The following FOXN3 variants were observed in gnomAD, a reference collection of about 807,000 sequenced individuals.
FOXN3 encodes the protein forkhead box N3, also known as forkhead box protein N3.
In FOXN3, 7 loss-of-function variants were observed where a neutral mutation model predicts 38.4. That is an observed-to-expected ratio of 0.18 (90% confidence interval 0.10 to 0.34). The LOEUF is 0.34. FOXN3 is among the 10% of genes least tolerant of loss of function. The pLI is 1.00. For missense variants in FOXN3, 456 were observed against 613.4 expected (o/e 0.74, Z 2.71); for synonymous variants, 230 against 242.2 (o/e 0.95, Z 0.47).
intron 4 of FOXN3, among the ~76,000 whole-genome samples, chr14:89,239,726 G>A (rs1162733852): frequency 6.6e-6 from 1 of 152,224 alleles, no homozygotes. Context: ...GATAATAACA[G>A]TCATATCAAT....
At chr14:89,287,666 C>T (rs1298845055) in intron 3 of FOXN3, among the ~76,000 whole-genome samples, 1 of 149,054 alleles carries the variant, frequency 6.7e-6, no homozygotes, top group Non-Finnish European at 1.5e-5. Flanking sequence ...GTTCTAATTG[C>T]AAATATTTCT....
chr14:89,443,785 G>A (rs10130393), intron 1 of FOXN3, among the ~76,000 whole-genome samples: 3 of 152,066 alleles, frequency 2.0e-5, no homozygotes, highest in African/African-American at 7.2e-5. Flanking sequence ...CAAGGTGGGC[G>A]GGTCACCTGA....
At chr14:89,231,030 C>G (rs1197935456) in intron 4 of FOXN3, among the ~76,000 whole-genome samples, 2 of 152,134 alleles carry the variant, frequency 1.3e-5, no homozygotes, top group African/African-American at 4.8e-5. Flanking sequence ...ATGATAACAT[C>G]CCACCCATCT....
chr14:89,358,794 A>C (rs77900633), intron 2 of FOXN3, among the ~76,000 whole-genome samples: 3,879 of 152,300 alleles, frequency 0.025, 153 homozygotes, highest in African/African-American at 0.087. Flanking sequence ...GGGAGCCCTT[A>C]CTTGGCTGAC....
intron 2 of FOXN3, among the ~76,000 whole-genome samples, chr14:89,384,179 G>C (rs1488107046): frequency 6.6e-6 from 1 of 152,210 alleles, no homozygotes; most frequent in African/African-American, 2.4e-5. Flanking sequence ...GGTGGCTTCT[G>C]AGAATGGTGC....
At chr14:89,313,579 CAA>C (rs1887633978) in intron 3 of FOXN3, among the ~76,000 whole-genome samples, 1 of 98,296 alleles carries the variant, frequency 1.0e-5, no homozygotes, top group Non-Finnish European at 2.1e-5. Flanking sequence ...AAAGAATTGA[CAA>C]GAGACGAAGT....
chr14:89,305,110 G>T (rs1887334257), intron 3 of FOXN3, among the ~76,000 whole-genome samples: 1 of 152,140 alleles, frequency 6.6e-6, no homozygotes, highest in East Asian at 1.9e-4. Flanking sequence ...ATCTGGAGGG[G>T]ACGAGAGGAA....
chr14:89,432,177 A>G (rs1484587014), intron 1 of FOXN3, among the ~76,000 whole-genome samples: 1 of 152,218 alleles, frequency 6.6e-6, no homozygotes, highest in Admixed American at 6.5e-5. Flanking sequence ...TATAAAGGAA[A>G]TATTGGTTTG....
chr14:89,424,918 A>G (rs1891990128), intron 1 of FOXN3, among the ~76,000 whole-genome samples: 1 of 152,092 alleles, frequency 6.6e-6, no homozygotes, highest in Non-Finnish European at 1.5e-5. Flanking sequence ...GTTACCCCAC[A>G]TGACCAGAGC....
chr14:89,608,169 G>C (rs1596331678), intron 1 of FOXN3, among the ~76,000 whole-genome samples: 1 of 8 alleles, frequency 0.12, no homozygotes, highest in Admixed American at 0.25. Flanking sequence ...TAGTAGAGAT[G>C]GGGGTTTCAC....
intron 1 of FOXN3, among the ~76,000 whole-genome samples, chr14:89,601,264 A>G (rs765272711): frequency 3.3e-5 from 5 of 152,228 alleles, no homozygotes; most frequent in Non-Finnish European, 5.9e-5. Flanking sequence ...GATTCAAAAC[A>G]ATGTTTTGGA....
At chr14:89,466,071 T>TA (rs1449805359) in intron 1 of FOXN3, among the ~76,000 whole-genome samples, 1 of 152,212 alleles carries the variant, frequency 6.6e-6, no homozygotes, top group Non-Finnish European at 1.5e-5. Context: ...AGCAGGTGGG[T>TA]AGGGAGGAGT....
In FOXN3 at chr14:89,328,046, G is replaced by A. The variant is rs74078096; in HGVS notation, c.680+22626C>T. On this transcript the variant is annotated intron_variant, in intron 3 of 5. Transcript: ENST00000557258. Reference sequence around the variant, plus strand: ...ATGCCTTCCAAAATGTCACCACTGTGTTTCAGTACTTCAATACTTGGGAAG... The same window carrying A: ...ATGCCTTCCAAAATGTCACCACTGTATTTCAGTACTTCAATACTTGGGAAG... Among the ~76,000 whole-genome samples, 709 of 152,326 alleles carry A rather than the reference G, an allele frequency of 4.7e-3. 2 individuals carry two copies. The highest frequency in any genetic ancestry group is 0.016 in the African/African-American group (680 of 41,580).
intron 1 of FOXN3, among the ~76,000 whole-genome samples, chr14:89,488,971 C>A (rs145688126): frequency 6.6e-6 from 1 of 152,156 alleles, no homozygotes; most frequent in Non-Finnish European, 1.5e-5. Context: ...TTCTCATGAT[C>A]AAGTTGGTAT....
intron 1 of FOXN3, among the ~76,000 whole-genome samples, chr14:89,443,390 C>CT (rs1490281812): frequency 6.6e-6 from 1 of 152,134 alleles, no homozygotes; most frequent in African/African-American, 2.4e-5. Context: ...GGGCACTGAG[C>CT]TGGTTGTAGC....
At chr14:89,280,231 TA>T (rs1886418636) in intron 4 of FOXN3, among the ~76,000 whole-genome samples, 1 of 152,226 alleles carries the variant, frequency 6.6e-6, no homozygotes, top group Non-Finnish European at 1.5e-5. Context: ...CTAAAAGGAT[TA>T]AAAATGAACC....
chr14:89,464,873 C>T (rs1163125724), intron 1 of FOXN3, among the ~76,000 whole-genome samples: 1 of 151,646 alleles, frequency 6.6e-6, no homozygotes, highest in Non-Finnish European at 1.5e-5. Flanking sequence ...AATTTTTGTA[C>T]TTTTGGTAGA....
chr14:89,252,703 G>A (rs1354427660), intron 4 of FOXN3, among the ~76,000 whole-genome samples: 1 of 150,878 alleles, frequency 6.6e-6, no homozygotes, highest in Non-Finnish European at 1.5e-5. Flanking sequence ...ATATCTCGAA[G>A]AGGTGTGTGA....
At chr14:89,372,234 T>C (rs1890339770) in intron 2 of FOXN3, among the ~76,000 whole-genome samples, 1 of 152,132 alleles carries the variant, frequency 6.6e-6, no homozygotes, top group Non-Finnish European at 1.5e-5. Context: ...ACTACCATAA[T>C]AATTTACTAT....
Sources: allele counts gnomAD v4.1 joint callset (sites outside exome capture counted in the v4.1 genomes callset), GRCh38; gene constraint gnomAD v4.1.1; transcripts MANE v1.5; gene names NCBI Gene and HGNC (gene_info 2026-07-23, HGNC 2026-07-21).